AATK: variants seen among roughly 807,000 people sequenced by gnomAD.
The protein encoded by AATK is serine/threonine-protein kinase LMTK1.
In AATK, 91 loss-of-function variants were observed where a neutral mutation model predicts 114.3. The ratio of observed to expected loss-of-function variants is 0.80; its 90% CI spans 0.67 to 0.95. The LOEUF (loss-of-function observed/expected upper bound fraction) is 0.95. Ranked by LOEUF, AATK falls within the 40% of genes least tolerant of loss-of-function variation. AATK has a pLI of 0.00. For synonymous variants in AATK, 1,075 were observed against 916.5 expected (o/e 1.17, Z -3.12); for missense variants, 2,176 against 1,965.2 (o/e 1.11, Z -2.03).
chr17:81,126,578 G>A lies in AATK; in HGVS notation c.622-18C>T. 2 of 1,530,440 alleles carry A rather than the reference G, an allele frequency of 1.3e-6. No homozygotes were observed. The highest frequency in any genetic ancestry group is 2.4e-5 in the South Asian group (2 of 83,462). The allele number at this position is 1,530,440 out of a possible 1,614,324, so 94.8% of individuals were successfully genotyped here. ...AGGTCCCCCTGCAGAAAGGGGGTGT[G>A]GCGCAGTCACCAGCAGGCTGGGGGC... On this transcript the variant is annotated intron_variant, in intron 6 of 13. Coordinates refer to ENST00000326724, the MANE Select transcript of AATK (RefSeq NM_001080395.3). The surrounding 1 kb of genome is among the most constrained non-coding windows in gnomAD (Gnocchi z 5.1).
intron 1 of AATK, among the ~76,000 whole-genome samples, chr17:81,137,056 G>A (rs964869320): frequency 4.6e-5 from 7 of 152,016 alleles, no homozygotes; most frequent in Admixed American, 1.3e-4. Flanking sequence ...TCAGGAGTTC[G>A]AGACCAGCCT....
chr17:81,137,767 C>T (rs1194203648), intron 1 of AATK, among the ~76,000 whole-genome samples: 4 of 151,844 alleles, frequency 2.6e-5, no homozygotes, highest in Non-Finnish European at 4.4e-5. Context: ...TACAACCATA[C>T]GTGTGACCAT....
chr17:81,121,779 G>T lies in AATK; in HGVS notation c.2157C>A (p.Pro719=), dbSNP rs748039722. ...GAGGCTCTCCAGGGTACCCCGGCTC[G>T]GGGGAGGCCCGTGGGGTCTGCTTTG... ...PSPKQTPRAS[P]EPGYPGEPLL... is the part of the protein sequence containing the mutation. Residue 719 remains proline, a synonymous_variant, in exon 11 of 14, where the codon CCC becomes CCA. Coordinates refer to ENST00000326724, the MANE Select transcript of AATK (RefSeq NM_001080395.3). 6 of 1,548,018 alleles carry T rather than the reference G, an allele frequency of 3.9e-6. No homozygotes were observed. The African/African-American group carries it at 4.1e-5, about 11-fold the overall frequency.
At chr17:81,151,294 C>T (rs990046153) in intron 1 of AATK, among the ~76,000 whole-genome samples, 2 of 147,334 alleles carry the variant, frequency 1.4e-5, no homozygotes, top group Admixed American at 6.8e-5. Flanking sequence ...CTGTCTCCCC[C>T]ACCGACCCCT....
chr17:81,128,332 G>C (rs1598924508), intron 4 of AATK, 138 bp downstream of exon 4: 1 of 1,110,644 alleles, frequency 9.0e-7, no homozygotes, highest in Non-Finnish European at 1.3e-6. Context: ...GGACCTCCCT[G>C]GGGAAGGGTC....
At chr17:81,125,743 C>A (rs2060805722) in intron 7 of AATK, 2 of 366,476 alleles carry the variant, frequency 5.5e-6, no homozygotes, top group African/African-American at 2.2e-5. Flanking sequence ...TGTCCCTCCC[C>A]ACATAAAACC....
chr17:81,128,670 C>T (rs2060885119), intron 3 of AATK, 121 bp from the exon 4 acceptor site: 1 of 1,493,490 alleles, frequency 6.7e-7, no homozygotes, highest in Non-Finnish European at 9.0e-7. Flanking sequence ...GAGTCCCTAG[C>T]ACCAGCTGGC....
At chr17:81,148,601 A>G (rs1286228358) in intron 1 of AATK, among the ~76,000 whole-genome samples, 2 of 152,230 alleles carry the variant, frequency 1.3e-5, no homozygotes, top group East Asian at 1.9e-4. Context: ...GGTTCCCCCA[A>G]TGGAAGGCAC....
chr17:81,128,524 C>G lies in AATK; in HGVS notation c.360G>C (p.Val120=). The change falls in exon 4 of 14, where the codon GTG becomes GTC. Residue 120 remains valine, a synonymous_variant. Coordinates refer to ENST00000326724, the MANE Select transcript of AATK (RefSeq NM_001080395.3). The part of the protein sequence containing the change: ...RSVQLLKSTD[V]GRHSLLYLKE... ...TCAGGTACAGGAGGCTGTGCCGGCC[C>G]ACGTCTGTGGACTTGAGGAGCTGCA... 6.5e-7 allele frequency: 1 copy of G among 1,549,334 alleles called. No individual in the cohort carries two copies. Among genetic ancestry groups the G allele is most frequent in the South Asian group, 1.2e-5 (1 of 83,978 alleles).
At chr17:81,118,533 A>G in intron 13 of AATK, 91 bp from the exon 14 acceptor site, 3 of 1,382,014 alleles carry the variant, frequency 2.2e-6, no homozygotes, top group Non-Finnish European at 3.0e-6. Context: ...TCCCTGGCCC[A>G]CATACAGGCC....
At position 81,134,963 on chromosome 17, in the gene AATK, T is replaced by G. The variant is rs563104865; in HGVS notation, c.56-462A>C. 2.8e-3 allele frequency among the ~76,000 whole-genome samples: 434 copies of G among 152,290 alleles called. 5 individuals are homozygous for G. The highest frequency in any genetic ancestry group is 1.0e-2 in the African/African-American group (414 of 41,576). On this transcript the variant is annotated intron_variant, in intron 1 of 13. Transcript: ENST00000326724. Reference sequence around the variant, plus strand: ...ACACCAGGCTCTGGACAGCGGGGGCTCAAGGCCCTTCCAGCCTCTGAGGTG... The same window carrying G: ...ACACCAGGCTCTGGACAGCGGGGGCGCAAGGCCCTTCCAGCCTCTGAGGTG...
intron 12 of AATK, 65 bp from the exon 13 acceptor site, chr17:81,119,645 A>C (rs1405912432): frequency 7.6e-7 from 1 of 1,315,848 alleles, no homozygotes; most frequent in Non-Finnish European, 1.0e-6. Context: ...CCCCGCTCCC[A>C]CAGTCACGGG....
At position 81,126,496 on chromosome 17, in the gene AATK, G is replaced by A. The variant is rs1318745253; in HGVS notation, c.686C>T (p.Thr229Ile). ...CACCTCACAGGCCATGCGCTGCAGG[G>A]TCCGGGGGTCGGGAGCCATGGACTC... ...VAESMAPDPR[T>I]LQRMACEVAC... Residue 229 changes from threonine (T) to isoleucine (I), a missense_variant, in exon 7 of 14, where the codon ACC becomes ATC. Coordinates refer to ENST00000326724, the MANE Select transcript of AATK (RefSeq NM_001080395.3). This position sits in a 1 kb window ranked among gnomAD's most constrained non-coding sequence, Gnocchi z 5.1. The A allele has an allele frequency of 3.9e-6, 6 of 1,552,156 alleles. No homozygotes were observed. Among genetic ancestry groups the A allele is most frequent in the Non-Finnish European group, 5.2e-6 (6 of 1,147,924 alleles).
At chr17:81,119,706 A>G in intron 12 of AATK, 126 bp from the exon 13 acceptor site, 1 of 620,158 alleles carries the variant, frequency 1.6e-6, no homozygotes, top group South Asian at 3.2e-5. Context: ...GCCTCCCATG[A>G]TGTCACGGGC....
chr17:81,154,908 G>A (rs2061342952), intron 1 of AATK, among the ~76,000 whole-genome samples: 1 of 152,212 alleles, frequency 6.6e-6, no homozygotes, highest in Non-Finnish European at 1.5e-5. Context: ...GGGATGACAG[G>A]TGTGAGCCAC....
chr17:81,163,170 A>C (rs1479803554), intron 1 of AATK, among the ~76,000 whole-genome samples: 1 of 152,164 alleles, frequency 6.6e-6, no homozygotes, highest in Admixed American at 6.5e-5. Context: ...CAGAAGCCGG[A>C]GCGAGGCGGT....
At chr17:81,140,777 CG>C (rs2061116883) in intron 1 of AATK, among the ~76,000 whole-genome samples, 1 of 97,644 alleles carries the variant, frequency 1.0e-5, no homozygotes, top group African/African-American at 4.9e-5. Context: ...GGCTGTGGGG[CG>C]GTGAGACCGT....
chr17:81,133,811 G>C (rs1219004550), intron 2 of AATK, among the ~76,000 whole-genome samples: 1 of 152,106 alleles, frequency 6.6e-6, no homozygotes, highest in Non-Finnish European at 1.5e-5. Context: ...CCTTGGCGGG[G>C]CTCCCTAACC....
chr17:81,160,341 CCT>C, intron 1 of AATK: 1 of 781,606 alleles, frequency 1.3e-6, no homozygotes, highest in African/African-American at 1.9e-5. Flanking sequence ...GCCGCAGCCC[CCT>C]GACCCCAGGC....
Sources: gnomAD v4.1 joint callset for allele counts (sites outside exome capture counted in the v4.1 genomes callset) on GRCh38, gnomAD v4.1.1 for gene constraint, Gnocchi (gnomAD v3.1) non-coding constraint, MANE v1.5 for transcripts, NCBI Gene and HGNC (gene_info 2026-07-23, HGNC 2026-07-21) for gene names.